The following THSD4 variants were observed in gnomAD, a reference collection of about 807,000 sequenced individuals.
The protein encoded by THSD4 is thrombospondin type-1 domain-containing protein 4.
Under a neutral mutation model 119.0 loss-of-function variants are expected in THSD4, and 69 were observed. The ratio of observed to expected loss-of-function variants is 0.58; its 90% CI spans 0.48 to 0.71. The LOEUF is 0.71. Ranked by LOEUF, THSD4 falls within the 30% of genes least tolerant of loss-of-function variation. The pLI, the probability that THSD4 is intolerant of heterozygous loss-of-function variation, is 0.00. For synonymous variants in THSD4, 524 were observed against 540.4 expected (o/e 0.97, Z 0.42); for missense variants, 1,393 against 1,391.1 (o/e 1.00, Z -0.02).
chr15:71,678,454 C>A (rs150876256), intron 8 of THSD4, among the ~76,000 whole-genome samples: 5 of 152,304 alleles, frequency 3.3e-5, no homozygotes, highest in Non-Finnish European at 7.3e-5. Context: ...AAATGTGAAA[C>A]CTGCCTTCTA....
At chr15:71,563,215 C>G (rs952345077) in intron 7 of THSD4, among the ~76,000 whole-genome samples, 28 of 152,088 alleles carry the variant, frequency 1.8e-4, no homozygotes, top group African/African-American at 6.8e-4. Flanking sequence ...CACACTGGAG[C>G]AGAAAAGCTG....
At chr15:71,672,472 CT>C (rs2051552375) in intron 8 of THSD4, among the ~76,000 whole-genome samples, 1 of 152,136 alleles carries the variant, frequency 6.6e-6, no homozygotes, top group South Asian at 2.1e-4. Flanking sequence ...ATTGAATACC[CT>C]TTTATTTCTT....
intron 7 of THSD4, among the ~76,000 whole-genome samples, chr15:71,583,970 G>A (rs1366245967): frequency 2.0e-5 from 3 of 152,072 alleles, no homozygotes; most frequent in African/African-American, 7.2e-5. Context: ...TTTTCTGTCT[G>A]GATGATCTGT....
chr15:71,637,479 A>C (rs1362954872), intron 7 of THSD4, among the ~76,000 whole-genome samples: 6 of 152,158 alleles, frequency 3.9e-5, no homozygotes, highest in Admixed American at 3.9e-4. Flanking sequence ...GAGATGAGGG[A>C]TGAGAACTGA....
At chr15:71,610,717 C>T (rs140809492) in intron 7 of THSD4, among the ~76,000 whole-genome samples, 27 of 152,308 alleles carry the variant, frequency 1.8e-4, no homozygotes, top group Middle Eastern at 3.4e-3. Flanking sequence ...ATTTAATAGA[C>T]TCTCCTTCCC....
intron 8 of THSD4, among the ~76,000 whole-genome samples, chr15:71,692,493 C>T (rs1595868231): frequency 6.6e-6 from 1 of 151,994 alleles, no homozygotes; most frequent in African/African-American, 2.4e-5. Flanking sequence ...TTTCATTCAC[C>T]GAGTTGGAAG....
At chr15:71,674,192 C>G (rs950980883) in intron 8 of THSD4, among the ~76,000 whole-genome samples, 1 of 152,138 alleles carries the variant, frequency 6.6e-6, no homozygotes, top group Non-Finnish European at 1.5e-5. Flanking sequence ...ATCCAGTGGT[C>G]TAAGTGGCAT....
Position 71,731,163 on chromosome 15 carries a change from G to A in THSD4, c.1576G>A (p.Val526Met), listed in dbSNP as rs138125166. The stretch of plus-strand genomic sequence containing the variant: ...AAACCCAGGCGTGCACTACGAGTAC[G>A]TGATCATGGGGACCAACGCCATCAG... ...QPNPGVHYEY[V>M]IMGTNAISPQ... Residue 526 changes from valine to methionine, a missense_variant, in exon 10 of 18, where the codon GTG (valine) becomes ATG (methionine). Coordinates refer to ENST00000261862, the MANE Select transcript of THSD4 (RefSeq NM_024817.3). 2.6e-3 allele frequency: 4,148 copies of A among 1,614,182 alleles called. 6 individuals carry two copies. Among genetic ancestry groups the A allele is most frequent in the Non-Finnish European group, 3.2e-3 (3,719 of 1,180,028 alleles).
intron 7 of THSD4, among the ~76,000 whole-genome samples, chr15:71,526,653 C>T (rs947871519): frequency 6.6e-6 from 1 of 152,198 alleles, no homozygotes; most frequent in South Asian, 2.1e-4. Context: ...GAAGCTTAAT[C>T]TCTCACTTGT....
intron 6 of THSD4, chr15:71,341,156 A>C: frequency 7.1e-7 from 1 of 1,406,136 alleles, no homozygotes; most frequent in Non-Finnish European, 9.9e-7. Flanking sequence ...TTAATGCTGA[A>C]TTTACTCCCG....
rs1247968156 is a variant in THSD4, at chr15:71,477,254, G to T, written c.1152+65431G>T. Among the ~76,000 whole-genome samples the T allele has an allele frequency of 2.0e-5, 3 of 152,334 alleles. No individual in the cohort carries two copies. The East Asian group carries it at 5.8e-4, about 29-fold the overall frequency. On this transcript the variant is annotated intron_variant, in intron 7 of 17. Coordinates refer to ENST00000261862, the MANE Select transcript of THSD4 (RefSeq NM_024817.3). ...ACGCCACTGGTTCCTATCAGACGGG[G>T]TCTTCTTCTGTTTAATGTGAAATCA...
chr15:71,460,937 A>G (rs1194253607), intron 7 of THSD4, among the ~76,000 whole-genome samples: 2 of 152,194 alleles, frequency 1.3e-5, no homozygotes, highest in African/African-American at 4.8e-5. Flanking sequence ...TGGTAGCTCT[A>G]TGTTAACCCC....
intron 5 of THSD4, 50 bp from the exon 6 acceptor site, chr15:71,256,563 G>T (rs1244295477): frequency 1.3e-6 from 2 of 1,482,450 alleles, no homozygotes; most frequent in African/African-American, 2.8e-5. Flanking sequence ...GTATCCTGGA[G>T]CTATGAAAAG....
Position 71,415,993 on chromosome 15 carries a change from C to T in THSD4, c.1152+4170C>T, listed in dbSNP as rs564447746. ...TGTATTTTTAGTAGAGACAGGGTTT[C>T]GTTGTGTTGGCCAGGCTGGTCTCGA... On this transcript the variant is annotated intron_variant, in intron 7 of 17. Transcript: ENST00000261862. Among the ~76,000 whole-genome samples, 76 of 152,234 alleles carry T rather than the reference C, an allele frequency of 5.0e-4. No individual in the cohort carries two copies. In the East Asian group the frequency reaches 7.5e-3, roughly 15 times the overall value.
intron 10 of THSD4, 46 bp from the exon 11 acceptor site, chr15:71,737,680 CTCAGGG>C (rs2053140496): frequency 6.6e-7 from 1 of 1,520,568 alleles, no homozygotes; most frequent in Non-Finnish European, 8.8e-7. Flanking sequence ...CTCTTTACAA[CTCAGGG>C]TCTAAACTGA....
chr15:71,474,519 C>A (rs149827803), intron 7 of THSD4, among the ~76,000 whole-genome samples: 9 of 152,286 alleles, frequency 5.9e-5, no homozygotes, highest in Non-Finnish European at 1.2e-4. Context: ...CCGCGCCTGG[C>A]CTTCTACTTT....
At chr15:71,278,394 C>CA (rs1354337260) in intron 6 of THSD4, among the ~76,000 whole-genome samples, 1 of 152,106 alleles carries the variant, frequency 6.6e-6, no homozygotes, top group African/African-American at 2.4e-5. Flanking sequence ...CCATGTTGCC[C>CA]AGCTGGTCTT....
intron 7 of THSD4, among the ~76,000 whole-genome samples, chr15:71,612,584 T>C (rs907764995): frequency 2.1e-4 from 32 of 152,098 alleles, no homozygotes; most frequent in African/African-American, 7.0e-4. Context: ...CAGCTGTTGA[T>C]GGAGACAAGA....
At chr15:71,685,976 C>G (rs1386360362) in intron 8 of THSD4, among the ~76,000 whole-genome samples, 1 of 152,064 alleles carries the variant, frequency 6.6e-6, no homozygotes, top group African/African-American at 2.4e-5. Context: ...TTTTTATTTT[C>G]AAGTAATGTT....
Sources: gnomAD v4.1 joint callset for allele counts (sites outside exome capture counted in the v4.1 genomes callset) on GRCh38, gnomAD v4.1.1 for gene constraint, MANE v1.5 for transcripts, NCBI Gene and HGNC (gene_info 2026-07-23, HGNC 2026-07-21) for gene names.